The following CNBD1 variants were observed in gnomAD, a reference collection of about 807,000 sequenced individuals.
CNBD1 encodes cyclic nucleotide binding domain containing 1.
A neutral mutation model predicts 54.4 loss-of-function variants in CNBD1; 71 were observed. The observed-to-expected ratio is 1.30, with a 90% CI of 1.08 to 1.59. The LOEUF (loss-of-function observed/expected upper bound fraction) is 1.59, where lower values mean the gene tolerates loss of function less well. Among genes scored for constraint, CNBD1 ranks in the 40% most tolerant of loss-of-function variants. The probability of loss-of-function intolerance (pLI) is 0.00; values close to 1 mark genes in which losing one functional copy is unlikely to be tolerated. For missense variants in CNBD1, 659 were observed against 518.0 expected, an observed-to-expected ratio of 1.27 and a Z score of -2.64; for synonymous variants, 182 against 170.7, an observed-to-expected ratio of 1.07 and a Z score of -0.51.
At chr8:87,114,702 A>G (rs1811735087) in intron 4 of CNBD1, among the ~76,000 whole-genome samples, 1 of 152,186 alleles carries the variant, frequency 6.6e-6, no homozygotes, top group African/African-American at 2.4e-5. Flanking sequence ...TCCTTTTGGT[A>G]GATGAACCTT....
chr8:86,977,307 T>C (rs1808364402), intron 4 of CNBD1, among the ~76,000 whole-genome samples: 1 of 152,120 alleles, frequency 6.6e-6, no homozygotes, highest in Non-Finnish European at 1.5e-5. Flanking sequence ...CCAATCTTTC[T>C]TCTCATTCTG....
intron 6 of CNBD1, among the ~76,000 whole-genome samples, chr8:87,275,395 T>C (rs902877664): frequency 6.6e-6 from 1 of 151,966 alleles, no homozygotes; most frequent in African/African-American, 2.4e-5. Flanking sequence ...TATTGATTCT[T>C]CCTACCCATG....
chr8:86,916,241 T>C (rs1260169706), intron 3 of CNBD1, among the ~76,000 whole-genome samples: 7 of 152,056 alleles, frequency 4.6e-5, no homozygotes, highest in African/African-American at 1.7e-4. Context: ...AGTGAAAGTG[T>C]ATTAAAAAGT....
At chr8:86,987,319 T>C (rs921987037) in intron 4 of CNBD1, among the ~76,000 whole-genome samples, 5 of 152,196 alleles carry the variant, frequency 3.3e-5, no homozygotes, top group African/African-American at 1.2e-4. Context: ...TTGAACCTTA[T>C]TGGACATAGA....
chr8:87,205,951 T>C (rs1427608344), intron 4 of CNBD1, 42 bp from the exon 5 acceptor site: 1 of 1,402,880 alleles, frequency 7.1e-7, no homozygotes, highest in Non-Finnish European at 9.3e-7. Flanking sequence ...TCTTTGCATT[T>C]ATGCCATGGT....
chr8:87,374,436 C>T (rs1163607377), intron 10 of CNBD1, among the ~76,000 whole-genome samples: 3 of 151,726 alleles, frequency 2.0e-5, no homozygotes, highest in African/African-American at 7.3e-5. Flanking sequence ...AATCAAGATC[C>T]TAATAAGGGC....
intron 5 of CNBD1, among the ~76,000 whole-genome samples, chr8:87,222,332 A>AT (rs1814358356): frequency 6.6e-6 from 1 of 151,718 alleles, no homozygotes. Context: ...AATGCCTAAA[A>AT]TTATCTAGGC....
At chr8:87,417,126 G>T (rs1586089794) in intron 2 of CNBD1, among the ~76,000 whole-genome samples, 1 of 151,958 alleles carries the variant, frequency 6.6e-6, no homozygotes, top group Non-Finnish European at 1.5e-5. Flanking sequence ...AGAAAAAGAG[G>T]TTTAATGGAC....
intron 2 of CNBD1, among the ~76,000 whole-genome samples, chr8:87,388,333 T>A (rs923390042): frequency 6.6e-6 from 1 of 151,244 alleles, no homozygotes; most frequent in Non-Finnish European, 1.5e-5. Context: ...TTTGAAAAGA[T>A]CAACGAAATT....
intron 6 of CNBD1, among the ~76,000 whole-genome samples, chr8:87,263,098 C>G (rs762725402): frequency 3.9e-5 from 6 of 151,976 alleles, no homozygotes; most frequent in Non-Finnish European, 7.4e-5. Context: ...TAAGATGTCA[C>G]CTGGAAAGAA....
At chr8:87,293,313 G>T (rs577383973) in intron 8 of CNBD1, among the ~76,000 whole-genome samples, 2 of 152,244 alleles carry the variant, frequency 1.3e-5, no homozygotes, top group East Asian at 3.9e-4. Flanking sequence ...GGAGGCTGAG[G>T]TGGGCTGACC....
At chr8:87,291,416 TG>T (rs139712157) in intron 8 of CNBD1, among the ~76,000 whole-genome samples, 3,257 of 152,244 alleles carry the variant, frequency 0.021, 65 homozygotes, top group South Asian at 0.092. Flanking sequence ...TTTGTCTCTC[TG>T]GGGGTCAAGA....
chr8:86,937,943 T>G (rs571611638), intron 3 of CNBD1, among the ~76,000 whole-genome samples: 1 of 152,354 alleles, frequency 6.6e-6, no homozygotes, highest in Admixed American at 6.5e-5. Context: ...TTCTGAACTT[T>G]TATGCTCTGC....
intron 4 of CNBD1, among the ~76,000 whole-genome samples, chr8:87,095,887 T>TGACCTCGTGATCTGCC (rs1811308952): frequency 6.6e-6 from 1 of 152,200 alleles, no homozygotes; most frequent in Non-Finnish European, 1.5e-5. Flanking sequence ...CTCGATCTCC[T>TGACCTCGTGATCTGCC]GACCTCGTGA....
chr8:86,971,559 T>C (rs1012609915), intron 4 of CNBD1, among the ~76,000 whole-genome samples: 7 of 152,190 alleles, frequency 4.6e-5, no homozygotes, highest in Admixed American at 1.3e-4. Flanking sequence ...ATTCCGAAAA[T>C]GTATTATATA....
intron 4 of CNBD1, among the ~76,000 whole-genome samples, chr8:86,957,511 G>A (rs1298869273): frequency 6.6e-6 from 1 of 152,118 alleles, no homozygotes; most frequent in African/African-American, 2.4e-5. Flanking sequence ...TTCAGATCCT[G>A]TTATTGGTCT....
chr8:86,922,011 G>T lies in CNBD1; in HGVS notation c.272+16817G>T, dbSNP rs148039151. ...GAGAGTGCTTACATTGAGGGCAGAT[G>T]GTGTACTGGAAGATCAGAGAAGCAG... On this transcript the variant is annotated intron_variant, in intron 3 of 10. Transcript: ENST00000518476. Among the ~76,000 whole-genome samples, 444 of 152,102 alleles carry T rather than the reference G, an allele frequency of 2.9e-3. 7 individuals are homozygous for T. The East Asian group carries it at 0.066, about 23-fold the overall frequency.
chr8:87,217,084 T>A (rs1814228087), intron 5 of CNBD1, among the ~76,000 whole-genome samples: 1 of 152,170 alleles, frequency 6.6e-6, no homozygotes, highest in Non-Finnish European at 1.5e-5. Flanking sequence ...TAAATTTTAA[T>A]CTTTTAAATG....
intron 4 of CNBD1, among the ~76,000 whole-genome samples, chr8:87,173,353 C>T (rs1813128665): frequency 6.6e-6 from 1 of 152,108 alleles, no homozygotes; most frequent in Non-Finnish European, 1.5e-5. Flanking sequence ...CTGTGTTTTT[C>T]TGTGTACTTA....
Sources: allele counts gnomAD v4.1 joint callset (sites outside exome capture counted in the v4.1 genomes callset), GRCh38; gene constraint gnomAD v4.1.1; transcripts MANE v1.5; gene names NCBI Gene and HGNC (gene_info 2026-07-23, HGNC 2026-07-21).